SLC22A4: variants seen among roughly 807,000 people sequenced by gnomAD.
The protein encoded by SLC22A4 is solute carrier family 22 member 4.
Under a neutral mutation model 56.6 loss-of-function variants are expected in SLC22A4, and 39 were observed. The ratio of observed to expected loss-of-function variants is 0.69; its 90% CI spans 0.53 to 0.90. The LOEUF (loss-of-function observed/expected upper bound fraction) is 0.90, where lower values mean the gene tolerates loss of function less well. Ranked by LOEUF, SLC22A4 falls within the 40% of genes least tolerant of loss-of-function variation. SLC22A4 has a pLI of 0.00. For synonymous variants in SLC22A4, 241 were observed against 281.4 expected (o/e 0.86, Z 1.44); for missense variants, 594 against 696.5 (o/e 0.85, Z 1.66).
intron 5 of SLC22A4, among the ~76,000 whole-genome samples, chr5:132,329,802 C>T (rs926385318): frequency 1.3e-5 from 2 of 152,218 alleles, no homozygotes; most frequent in African/African-American, 4.8e-5. Context: ...CAAGCATATT[C>T]TTGTTCTGAG....
At chr5:132,342,304 A>G (rs272869) in intron 9 of SLC22A4, among the ~76,000 whole-genome samples, 95,637 of 152,132 alleles carry the variant, frequency 0.63, 30,900 homozygotes, top group African/African-American at 0.74. Context: ...AGCAAAGGAC[A>G]AGAACAGACA....
intron 9 of SLC22A4, among the ~76,000 whole-genome samples, chr5:132,342,825 A>G (rs1402789070): frequency 2.0e-5 from 3 of 152,262 alleles, no homozygotes; most frequent in South Asian, 2.1e-4. Context: ...GTTAAGGTGC[A>G]CTGCCCTCCT....
At chr5:132,304,354 T>C (rs1749975196) in intron 1 of SLC22A4, among the ~76,000 whole-genome samples, 1 of 152,204 alleles carries the variant, frequency 6.6e-6, no homozygotes, top group Non-Finnish European at 1.5e-5. Flanking sequence ...TGGTGGCTCA[T>C]GCCTGTAATC....
In SLC22A4 at chr5:132,304,300, A is replaced by AT. The variant is rs542331319; in HGVS notation, c.394-7860dup. Among the ~76,000 whole-genome samples the AT allele has an allele frequency of 5.3e-4, 80 of 152,352 alleles. 1 individual carries two copies. Among genetic ancestry groups the AT allele is most frequent in the South Asian group, 2.7e-3 (13 of 4,828 alleles). On this transcript the variant is annotated intron_variant, in intron 1 of 9. Transcript: ENST00000200652. ...TTAGTGAGGCTAACAGCTGGGTGTGATACCAGCAGACACAGACAGCTTAAT... is the reference window on the plus strand; with the variant it reads ...TTAGTGAGGCTAACAGCTGGGTGTGATTACCAGCAGACACAGACAGCTTAAT...
At chr5:132,310,485 T>C (rs530842313) in intron 1 of SLC22A4, among the ~76,000 whole-genome samples, 1 of 152,342 alleles carries the variant, frequency 6.6e-6, no homozygotes, top group Admixed American at 6.5e-5. Context: ...GAGGATTCAT[T>C]TCCCTTTCTC....
intron 2 of SLC22A4, 126 bp downstream of exon 2, chr5:132,312,390 G>C: frequency 1.4e-6 from 1 of 726,764 alleles, no homozygotes; most frequent in East Asian, 2.6e-5. Flanking sequence ...CACTGATTCA[G>C]TGATAGGAGG....
intron 1 of SLC22A4, among the ~76,000 whole-genome samples, chr5:132,298,312 G>A (rs754854985): frequency 2.0e-5 from 3 of 152,226 alleles, no homozygotes; most frequent in Non-Finnish European, 4.4e-5. Context: ...CTTTAAAAAG[G>A]AAGGACATGC....
intron 1 of SLC22A4, among the ~76,000 whole-genome samples, chr5:132,297,362 G>A (rs955936709): frequency 2.0e-5 from 3 of 152,078 alleles, no homozygotes; most frequent in Admixed American, 1.3e-4. Context: ...ACTGGGCTCT[G>A]GTGGTTGGGA....
intron 5 of SLC22A4, among the ~76,000 whole-genome samples, chr5:132,328,614 G>T (rs1041409161): frequency 2.4e-4 from 37 of 152,030 alleles, no homozygotes; most frequent in African/African-American, 8.4e-4. Context: ...CATTGGGAGT[G>T]TCTAACACTT....
chr5:132,321,210 G>A (rs1016448433), intron 3 of SLC22A4, among the ~76,000 whole-genome samples: 3 of 152,202 alleles, frequency 2.0e-5, no homozygotes, highest in African/African-American at 4.8e-5. Flanking sequence ...GCAGAACAGC[G>A]CCTGCTTTTC....
At position 132,294,943 on chromosome 5, in the gene SLC22A4, G is replaced by A. The variant is rs1453878169; in HGVS notation, c.327G>A (p.Glu109=). 2 of 1,603,856 alleles carry A rather than the reference G, an allele frequency of 1.2e-6. No individual in the cohort carries two copies. Among genetic ancestry groups the A allele is most frequent in the Non-Finnish European group, 1.7e-6 (2 of 1,175,876 alleles). ...PGRDVDLGQL[E]QESCLDGWEF... is the part of the protein sequence containing the mutation. ...GCGACGTGGACCTGGGGCAGCTGGA[G>A]CAGGAGAGCTGCCTGGATGGCTGGG... The change falls in exon 1 of 10, where the codon GAG becomes GAA. Residue 109 remains glutamate (E), a synonymous_variant. Coordinates refer to ENST00000200652, the MANE Select transcript of SLC22A4 (RefSeq NM_003059.3). This position sits in a 1 kb window ranked among gnomAD's most constrained non-coding sequence, Gnocchi z 5.6.
At chr5:132,310,104 G>A (rs573891641) in intron 1 of SLC22A4, among the ~76,000 whole-genome samples, 82 of 152,336 alleles carry the variant, frequency 5.4e-4, no homozygotes, top group African/African-American at 1.8e-3. Context: ...TTGAAGAAGT[G>A]TAGGGCATCA....
At chr5:132,334,965 G>T (rs1456655957) in intron 7 of SLC22A4, 33 bp downstream of exon 7, 2 of 1,457,696 alleles carry the variant, frequency 1.4e-6, no homozygotes, top group Non-Finnish European at 1.9e-6. Flanking sequence ...CAGCTTACCA[G>T]AAAAGACCCA....
At chr5:132,323,154 CTTT>C (rs1750594282) in intron 4 of SLC22A4, among the ~76,000 whole-genome samples, 2 of 152,168 alleles carry the variant, frequency 1.3e-5, no homozygotes, top group South Asian at 4.1e-4. Context: ...ATTAATTCTT[CTTT>C]GTTTGATTTC....
chr5:132,322,731 A>G (rs1750580993), intron 4 of SLC22A4, among the ~76,000 whole-genome samples: 1 of 152,180 alleles, frequency 6.6e-6, no homozygotes, highest in Non-Finnish European at 1.5e-5. Flanking sequence ...TAATTCTTCA[A>G]GCTTCCCTAT....
intron 3 of SLC22A4, among the ~76,000 whole-genome samples, chr5:132,320,583 G>A (rs1451795288): frequency 6.6e-6 from 1 of 152,198 alleles, no homozygotes; most frequent in Non-Finnish European, 1.5e-5. Context: ...GAGGCACAAA[G>A]TACTGGCTGT....
intron 1 of SLC22A4, 74 bp from the exon 2 acceptor site, chr5:132,312,086 AT>A: frequency 1.1e-6 from 1 of 889,966 alleles, no homozygotes; most frequent in Middle Eastern, 2.3e-4. Flanking sequence ...CCGTGCTAAT[AT>A]TCCCTCAGAG....
chr5:132,310,737 A>G (rs1201901532), intron 1 of SLC22A4, among the ~76,000 whole-genome samples: 6 of 152,240 alleles, frequency 3.9e-5, no homozygotes, highest in South Asian at 2.1e-4. Flanking sequence ...TCAGCATCAC[A>G]GAGTGGCTCC....
intron 5 of SLC22A4, among the ~76,000 whole-genome samples, chr5:132,329,911 AG>A (rs1750806386): frequency 6.6e-6 from 1 of 152,202 alleles, no homozygotes; most frequent in African/African-American, 2.4e-5. Context: ...AAGCCCAGGG[AG>A]GAACCTGGCA....
Sources: gnomAD v4.1 joint callset for allele counts (sites outside exome capture counted in the v4.1 genomes callset) on GRCh38, gnomAD v4.1.1 for gene constraint, Gnocchi (gnomAD v3.1) non-coding constraint, MANE v1.5 for transcripts, NCBI Gene and HGNC (gene_info 2026-07-23, HGNC 2026-07-21) for gene names.